The following SBF2 variants were observed in gnomAD, a reference collection of about 807,000 sequenced individuals.
The protein encoded by SBF2 is SET binding factor 2, also known as myotubularin-related protein 13.
In SBF2, 112 loss-of-function variants were observed where a neutral mutation model predicts 225.2. The ratio of observed to expected loss-of-function variants is 0.50; its 90% CI spans 0.43 to 0.58. SBF2 has a LOEUF of 0.58. SBF2 is among the 20% of genes least tolerant of loss of function. SBF2 has a pLI of 0.00. For missense variants in SBF2, 1,996 were observed against 2,206.2 expected, an observed-to-expected ratio of 0.90 and a Z score of 1.91; for synonymous variants, 763 against 773.3, an observed-to-expected ratio of 0.99 and a Z score of 0.22.
chr11:9,851,063 G>A (rs910582148), intron 21 of SBF2, among the ~76,000 whole-genome samples: 8 of 151,454 alleles, frequency 5.3e-5, no homozygotes, highest in Non-Finnish European at 1.2e-4. Context: ...TTGAACCTGG[G>A]AGGGGGAGGT....
At chr11:9,793,069 C>G (rs556861752) in intron 33 of SBF2, among the ~76,000 whole-genome samples, 6 of 151,762 alleles carry the variant, frequency 4.0e-5, no homozygotes, top group Non-Finnish European at 8.8e-5. Flanking sequence ...TGAGCCGTTG[C>G]ACCCAGCCTG....
chr11:10,150,174 C>T (rs1468309707), intron 2 of SBF2, among the ~76,000 whole-genome samples: 1 of 152,110 alleles, frequency 6.6e-6, no homozygotes, highest in Non-Finnish European at 1.5e-5. Flanking sequence ...TCATTTCAAG[C>T]AGACCCTTCT....
intron 21 of SBF2, 94 bp downstream of exon 21, chr11:9,852,582 A>G: frequency 1.1e-6 from 1 of 884,414 alleles, no homozygotes; most frequent in Non-Finnish European, 1.9e-6. Context: ...TGTCTGTCAA[A>G]GGTTAGGTGA....
intron 16 of SBF2, among the ~76,000 whole-genome samples, chr11:9,917,702 CTCT>C (rs1483927182): frequency 6.6e-6 from 1 of 150,650 alleles, no homozygotes; most frequent in Non-Finnish European, 1.5e-5. Flanking sequence ...ATCTTCAGAT[CTCT>C]TCTTATGGTA....
intron 2 of SBF2, among the ~76,000 whole-genome samples, chr11:10,123,133 C>G (rs1327308212): frequency 1.3e-5 from 2 of 152,094 alleles, no homozygotes; most frequent in Non-Finnish European, 2.9e-5. Context: ...CTGATTTTCC[C>G]TACTGAAGGA....
At chr11:9,806,268 T>C in intron 32 of SBF2, among the ~76,000 whole-genome samples, 1 of 152,216 alleles carries the variant, frequency 6.6e-6, no homozygotes, top group East Asian at 1.9e-4. Context: ...AAATAACATG[T>C]GTAGTGCTCA....
intron 16 of SBF2, among the ~76,000 whole-genome samples, chr11:9,911,470 CT>C (rs1862613616): frequency 6.6e-6 from 1 of 151,580 alleles, no homozygotes. Flanking sequence ...GGCTTTTAAG[CT>C]AAGTGTTATT....
chr11:9,827,404 C>T (rs915164447), intron 28 of SBF2, among the ~76,000 whole-genome samples: 1 of 152,070 alleles, frequency 6.6e-6, no homozygotes, highest in African/African-American at 2.4e-5. Flanking sequence ...TGGCACACAC[C>T]TGTAGTCTTA....
intron 2 of SBF2, among the ~76,000 whole-genome samples, chr11:10,091,287 A>C (rs1320454948): frequency 6.6e-6 from 1 of 152,168 alleles, no homozygotes; most frequent in African/African-American, 2.4e-5. Context: ...ACATGATACA[A>C]ACTTTCCTAT....
chr11:9,863,418 T>G (rs1857926145), intron 17 of SBF2, among the ~76,000 whole-genome samples: 1 of 152,142 alleles, frequency 6.6e-6, no homozygotes, highest in African/African-American at 2.4e-5. Context: ...TCCATAAACA[T>G]GTAATGGTCT....
chr11:10,006,510 C>G (rs1165260615), intron 6 of SBF2, among the ~76,000 whole-genome samples: 1 of 152,154 alleles, frequency 6.6e-6, no homozygotes, highest in African/African-American at 2.4e-5. Context: ...TTTAAGGACC[C>G]CACTTACTTG....
chr11:9,978,057 G>A (rs73404502), intron 13 of SBF2, among the ~76,000 whole-genome samples: 1,797 of 152,184 alleles, frequency 0.012, 35 homozygotes, highest in African/African-American at 0.041. Flanking sequence ...CAAATTAGAT[G>A]GCTGGTTCTT....
intron 2 of SBF2, among the ~76,000 whole-genome samples, chr11:10,053,853 G>T (rs1174164160): frequency 6.6e-6 from 1 of 151,970 alleles, no homozygotes; most frequent in Non-Finnish European, 1.5e-5. Context: ...CTGGGAGGTT[G>T]AGGGTGCAGA....
intron 28 of SBF2, among the ~76,000 whole-genome samples, chr11:9,826,715 A>G (rs527541800): frequency 0.011 from 1,050 of 93,440 alleles, 11 homozygotes; most frequent in African/African-American, 0.028. Context: ...TGTGGTGTGT[A>G]TATATATATA....
At chr11:10,040,829 C>T (rs775198924) in intron 3 of SBF2, among the ~76,000 whole-genome samples, 2 of 151,648 alleles carry the variant, frequency 1.3e-5, no homozygotes, top group Non-Finnish European at 3.0e-5. Flanking sequence ...TCAAATAAAA[C>T]GATGGGGCAA....
chr11:9,787,821 C>T (rs1852474017), intron 35 of SBF2, 83 bp from the exon 36 acceptor site: 1 of 1,164,220 alleles, frequency 8.6e-7, no homozygotes. Flanking sequence ...CTGTACTAGG[C>T]CCAGATGAGC....
intron 7 of SBF2, 96 bp from the exon 8 acceptor site, chr11:10,001,118 G>T: frequency 1.4e-6 from 1 of 694,856 alleles, no homozygotes; most frequent in Non-Finnish European, 2.6e-6. Flanking sequence ...TATTACCTAT[G>T]TTTAGAAATT....
intron 16 of SBF2, among the ~76,000 whole-genome samples, chr11:9,949,771 T>G (rs1182424655): frequency 1.3e-5 from 2 of 152,128 alleles, no homozygotes; most frequent in African/African-American, 4.8e-5. Flanking sequence ...TACTCGAGAT[T>G]CACGTTTTAT....
At chr11:9,942,148 T>C (rs1193938786) in intron 16 of SBF2, among the ~76,000 whole-genome samples, 7 of 152,190 alleles carry the variant, frequency 4.6e-5, no homozygotes, top group African/African-American at 7.2e-5. Flanking sequence ...CACGGCTCAC[T>C]GCACCCTCGA....
Sources: gnomAD v4.1 joint callset for allele counts (sites outside exome capture counted in the v4.1 genomes callset) on GRCh38, gnomAD v4.1.1 for gene constraint, MANE v1.5 for transcripts, NCBI Gene and HGNC (gene_info 2026-07-23, HGNC 2026-07-21) for gene names.